CLASP1: variants seen among roughly 807,000 people sequenced by gnomAD.
CLASP1 encodes the protein CLIP-associating protein 1.
A neutral mutation model predicts 192.3 loss-of-function variants in CLASP1; 38 were observed. The ratio of observed to expected loss-of-function variants is 0.20; its 90% confidence interval spans 0.15 to 0.26. The LOEUF is 0.26. Ranked by LOEUF, CLASP1 falls within the 10% of genes least tolerant of loss-of-function variation. The pLI, the probability that CLASP1 is intolerant of heterozygous loss-of-function variation, is 1.00. For missense variants in CLASP1, 1,433 were observed against 1,932.5 expected, an observed-to-expected ratio of 0.74 and a Z score of 4.85; for synonymous variants, 691 against 712.8, an observed-to-expected ratio of 0.97 and a Z score of 0.49.
chr2:121,622,936 T>C (rs1177348377), intron 1 of CLASP1, among the ~76,000 whole-genome samples: 1 of 151,968 alleles, frequency 6.6e-6, no homozygotes, highest in African/African-American at 2.4e-5. Context: ...AGACTATACA[T>C]GTTTTGGTCA....
At chr2:121,521,534 A>G (rs1206891850) in intron 6 of CLASP1, among the ~76,000 whole-genome samples, 4 of 152,148 alleles carry the variant, frequency 2.6e-5, no homozygotes, top group Non-Finnish European at 5.9e-5. Context: ...GCAGAATGAC[A>G]CATTTCCCCA....
intron 6 of CLASP1, among the ~76,000 whole-genome samples, chr2:121,520,948 G>A (rs373395033): frequency 1.3e-5 from 2 of 152,250 alleles, no homozygotes; most frequent in East Asian, 1.9e-4. Flanking sequence ...ACAGGGGCAC[G>A]GAATGCAACT....
At chr2:121,554,089 G>A (rs1232275503) in intron 2 of CLASP1, among the ~76,000 whole-genome samples, 1 of 151,642 alleles carries the variant, frequency 6.6e-6, no homozygotes, top group Non-Finnish European at 1.5e-5. Context: ...GGTGGCGTGT[G>A]CCTGTAGTCC....
At chr2:121,620,496 C>T (rs988653194) in intron 1 of CLASP1, among the ~76,000 whole-genome samples, 39 of 152,102 alleles carry the variant, frequency 2.6e-4, no homozygotes, top group Non-Finnish European at 8.8e-5. Flanking sequence ...ACTACAGGTA[C>T]GCGTCACCAC....
At position 121,549,006 on chromosome 2, in the gene CLASP1, G is replaced by A. The variant is rs548928845; in HGVS notation, c.196-18681C>T. On this transcript the variant is annotated intron_variant, in intron 2 of 39. Coordinates refer to ENST00000263710, the Ensembl canonical transcript of CLASP1. ...ACCAGTGTTAAATATGCAGACCAGC[G>A]ATACTATAAAGCAGCCACACAAACA... 7.9e-5 allele frequency among the ~76,000 whole-genome samples: 12 copies of A among 152,250 alleles called. No individual in the cohort carries two copies. The South Asian group carries it at 1.7e-3, about 21-fold the overall frequency.
At chr2:121,514,900 CT>C (rs927726636) in intron 7 of CLASP1, among the ~76,000 whole-genome samples, 4 of 151,950 alleles carry the variant, frequency 2.6e-5, no homozygotes, top group Admixed American at 1.3e-4. Flanking sequence ...TCAAAAGTCA[CT>C]TCATGTTTCT....
intron 2 of CLASP1, among the ~76,000 whole-genome samples, chr2:121,601,985 G>A (rs1439208852): frequency 6.6e-6 from 1 of 152,026 alleles, no homozygotes; most frequent in Non-Finnish European, 1.5e-5. Flanking sequence ...AACCAGCCTG[G>A]CCAATGTAGT....
At chr2:121,560,372 T>C (rs891251969) in intron 2 of CLASP1, among the ~76,000 whole-genome samples, 4 of 152,234 alleles carry the variant, frequency 2.6e-5, no homozygotes, top group Non-Finnish European at 4.4e-5. Flanking sequence ...GTTTGTATGC[T>C]GGGGAATAGG....
chr2:121,541,675 A>G (rs1275355693), intron 2 of CLASP1, among the ~76,000 whole-genome samples: 2 of 152,168 alleles, frequency 1.3e-5, no homozygotes, highest in Non-Finnish European at 2.9e-5. Flanking sequence ...CAGCTAGGAA[A>G]AAAAGCACTG....
chr2:121,431,082 T>C (rs1226885957), intron 19 of CLASP1, among the ~76,000 whole-genome samples: 3 of 152,068 alleles, frequency 2.0e-5, no homozygotes, highest in Non-Finnish European at 2.9e-5. Context: ...GAACTCCCAC[T>C]GGCTTTTATG....
intron 8 of CLASP1, among the ~76,000 whole-genome samples, chr2:121,484,072 G>T (rs2150103871): frequency 6.6e-6 from 1 of 152,316 alleles, no homozygotes; most frequent in Middle Eastern, 3.4e-3. Context: ...ATCATGAGAG[G>T]TTTCAAGCAA....
chr2:121,476,973 T>G (rs549310598), intron 8 of CLASP1, among the ~76,000 whole-genome samples: 42 of 152,388 alleles, frequency 2.8e-4, no homozygotes, highest in African/African-American at 7.9e-4. Context: ...TTCTGCTATC[T>G]GCAATTCTTG....
intron 9 of CLASP1, among the ~76,000 whole-genome samples, chr2:121,469,479 T>C (rs10432594): frequency 0.04 from 6,039 of 152,306 alleles, 163 homozygotes; most frequent in East Asian, 0.14. Context: ...GTTTCAGGCA[T>C]TGCTGGATCC....
chr2:121,491,664 C>A (rs2093313643), intron 8 of CLASP1, among the ~76,000 whole-genome samples: 1 of 152,184 alleles, frequency 6.6e-6, no homozygotes, highest in African/African-American at 2.4e-5. Context: ...GAAGAAACAT[C>A]TATATAGCAA....
At chr2:121,348,760 A>G (rs1200649614) in intron 37 of CLASP1, 42 bp from the exon 39 acceptor site, 1 of 1,488,790 alleles carries the variant, frequency 6.7e-7, no homozygotes, top group African/African-American at 1.4e-5. Flanking sequence ...TCCACATGCC[A>G]CATGAAGCGA....
intron 2 of CLASP1, chr2:121,530,742 A>G (rs1348798377): frequency 1.3e-5 from 7 of 526,024 alleles, no homozygotes; most frequent in Non-Finnish European, 1.7e-5. Context: ...AAAACAAAGA[A>G]TTGGGGTGTC....
chr2:121,527,979 G>A (rs775527592), intron 4 of CLASP1, 89 bp from the exon 5 acceptor site: 7 of 996,270 alleles, frequency 7.0e-6, no homozygotes, highest in South Asian at 2.8e-5. Context: ...GCCTCTTAAC[G>A]AGCGCCAAAT....
chr2:121,346,371 T>TTTG (rs942333105), intron 39 of CLASP1, among the ~76,000 whole-genome samples: 7 of 152,158 alleles, frequency 4.6e-5, no homozygotes, highest in East Asian at 1.9e-4. Flanking sequence ...CACATTTGAG[T>TTTG]TTGTTGTTGT....
intron 8 of CLASP1, among the ~76,000 whole-genome samples, chr2:121,497,579 C>T (rs900568126): frequency 2.0e-5 from 3 of 152,100 alleles, no homozygotes; most frequent in African/African-American, 7.2e-5. Flanking sequence ...GGAAAAAGCA[C>T]TGCCTGAGAA....
Sources: allele counts gnomAD v4.1 joint callset (sites outside exome capture counted in the v4.1 genomes callset), GRCh38; gene constraint gnomAD v4.1.1; transcripts MANE v1.5; gene names NCBI Gene and HGNC (gene_info 2026-07-23, HGNC 2026-07-21).